Variants in SGCD observed in about 807,000 individuals in gnomAD.
The protein encoded by SGCD is sarcoglycan delta, also known as delta-sarcoglycan.
In SGCD, 18 loss-of-function variants were observed where a neutral mutation model predicts 36.6. The observed-to-expected ratio is 0.49, with a 90% CI of 0.34 to 0.73. The LOEUF (loss-of-function observed/expected upper bound fraction) is 0.73. SGCD is among the 30% of genes least tolerant of loss of function. The pLI, the probability that SGCD is intolerant of heterozygous loss-of-function variation, is 0.01. For missense variants in SGCD, 387 were observed against 346.7 expected, an observed-to-expected ratio of 1.12 and a Z score of -0.92; for synonymous variants, 133 against 130.6, an observed-to-expected ratio of 1.02 and a Z score of -0.12.
chr5:156,395,370 C>A (rs1771792472), intron 3 of SGCD, among the ~76,000 whole-genome samples: 1 of 152,228 alleles, frequency 6.6e-6, no homozygotes, highest in African/African-American at 2.4e-5. Context: ...ATTAGGGAAG[C>A]TGTCAGTTAT....
intron 1 of SGCD, among the ~76,000 whole-genome samples, chr5:155,900,813 T>G (rs762519799): frequency 8.5e-5 from 13 of 152,072 alleles, no homozygotes; most frequent in Non-Finnish European, 1.8e-4. Flanking sequence ...CAATAAAGAT[T>G]TTTCCAACTT....
chr5:156,473,220 A>G (rs1242987995), intron 3 of SGCD, among the ~76,000 whole-genome samples: 2 of 152,188 alleles, frequency 1.3e-5, no homozygotes, highest in East Asian at 3.9e-4. Flanking sequence ...TCCACAGGAG[A>G]TAAGTTCCAA....
intron 6 of SGCD, among the ~76,000 whole-genome samples, chr5:156,618,892 C>T (rs1289321847): frequency 1.3e-5 from 2 of 152,178 alleles, no homozygotes; most frequent in African/African-American, 2.4e-5. Flanking sequence ...CCCAGCTGCT[C>T]AGCCATTGCA....
chr5:156,030,746 C>A (rs1302901741), intron 1 of SGCD, among the ~76,000 whole-genome samples: 5 of 151,912 alleles, frequency 3.3e-5, no homozygotes, highest in Admixed American at 3.3e-4. Flanking sequence ...CATGGGGGGG[C>A]CCTGGGTCTT....
At chr5:156,679,143 A>C (rs1282469757) in intron 7 of SGCD, among the ~76,000 whole-genome samples, 1 of 152,162 alleles carries the variant, frequency 6.6e-6, no homozygotes, top group Non-Finnish European at 1.5e-5. Context: ...TATTTACCTA[A>C]AAGTGATTGA....
At chr5:156,056,461 A>G (rs1405958832) in intron 1 of SGCD, among the ~76,000 whole-genome samples, 1 of 144,294 alleles carries the variant, frequency 6.9e-6, no homozygotes, top group African/African-American at 2.5e-5. Flanking sequence ...GATATTTTTC[A>G]GACCCCGAAT....
intron 3 of SGCD, among the ~76,000 whole-genome samples, chr5:156,504,261 G>A (rs1022033548): frequency 1.3e-5 from 2 of 150,992 alleles, no homozygotes; most frequent in Admixed American, 6.6e-5. Flanking sequence ...AAAGTAGAAA[G>A]CACTCATAAC....
chr5:156,738,478 A>T (rs1756491527), intron 7 of SGCD: 1 of 152,222 alleles, frequency 6.6e-6, no homozygotes, highest in African/African-American at 2.4e-5. Flanking sequence ...CCTCTGGCAA[A>T]AGTAGTTGAC....
intron 1 of SGCD, among the ~76,000 whole-genome samples, chr5:155,902,687 GA>G: frequency 6.6e-6 from 1 of 152,228 alleles, no homozygotes; most frequent in East Asian, 1.9e-4. Flanking sequence ...TACCCAATGG[GA>G]CTATTATCAA....
chr5:156,593,775 A>G (rs1760819148), intron 5 of SGCD, among the ~76,000 whole-genome samples: 1 of 152,158 alleles, frequency 6.6e-6, no homozygotes. Context: ...GTGTGTTCCT[A>G]GTGGTCTTTG....
At chr5:155,890,863 G>T (rs1004487661) in intron 1 of SGCD, among the ~76,000 whole-genome samples, 5 of 152,080 alleles carry the variant, frequency 3.3e-5, no homozygotes, top group African/African-American at 1.2e-4. Flanking sequence ...TGGGGTGGTG[G>T]TGGTGGGAGA....
the SGCD span, among the ~76,000 whole-genome samples, chr5:155,765,621 A>T: frequency 6.6e-6 from 1 of 152,222 alleles, no homozygotes; most frequent in Non-Finnish European, 1.5e-5. Context: ...CTGATGCTGC[A>T]TTCCAAAGGA....
At chr5:156,455,651 G>T (rs1294579850) in intron 3 of SGCD, among the ~76,000 whole-genome samples, 1 of 152,036 alleles carries the variant, frequency 6.6e-6, no homozygotes, top group African/African-American at 2.4e-5. Context: ...GAAACACTGG[G>T]GAACCAGCAC....
intron 3 of SGCD, among the ~76,000 whole-genome samples, chr5:156,246,868 C>G (rs953681793): frequency 6.6e-6 from 1 of 152,130 alleles, no homozygotes; most frequent in African/African-American, 2.4e-5. Flanking sequence ...CAGCTCGCCT[C>G]TTAATAATGA....
chr5:155,913,612 T>C (rs1408512453), intron 1 of SGCD, among the ~76,000 whole-genome samples: 1 of 152,206 alleles, frequency 6.6e-6, no homozygotes, highest in Non-Finnish European at 1.5e-5. Context: ...TGCTTTATAT[T>C]TCTAGTTTCT....
intron 1 of SGCD, among the ~76,000 whole-genome samples, chr5:155,933,542 G>A (rs1757138406): frequency 6.6e-6 from 1 of 152,158 alleles, no homozygotes; most frequent in African/African-American, 2.4e-5. Flanking sequence ...TAATTGTTAG[G>A]TGAATAAATG....
the SGCD span, among the ~76,000 whole-genome samples, chr5:155,782,360 A>C: frequency 1.3e-5 from 2 of 152,064 alleles, no homozygotes. Context: ...TTTGGCTTTC[A>C]TGAAAGATTC....
chr5:155,842,210 A>G, the SGCD span, among the ~76,000 whole-genome samples: 1 of 150,956 alleles, frequency 6.6e-6, no homozygotes, highest in Non-Finnish European at 1.5e-5. Flanking sequence ...GAGCCAGAAC[A>G]ATTCTTTGCT....
chr5:155,857,215 C>T, the SGCD span, among the ~76,000 whole-genome samples: 35 of 152,168 alleles, frequency 2.3e-4, no homozygotes, highest in Admixed American at 5.9e-4. Context: ...ATGGCCTGGG[C>T]GACAGCGCAA....
Sources: gnomAD v4.1 joint callset for allele counts (sites outside exome capture counted in the v4.1 genomes callset) on GRCh38, gnomAD v4.1.1 for gene constraint, MANE v1.5 for transcripts, NCBI Gene and HGNC (gene_info 2026-07-23, HGNC 2026-07-21) for gene names.